Variants in SEPHS1 observed in about 807,000 individuals in gnomAD.
The protein encoded by SEPHS1 is zincore component SEPHS1.
A neutral mutation model predicts 39.2 loss-of-function variants in SEPHS1; 7 were observed. The ratio of observed to expected loss-of-function variants is 0.18; its 90% CI spans 0.10 to 0.34. The LOEUF is 0.34. Ranked by LOEUF, SEPHS1 falls within the 10% of genes least tolerant of loss-of-function variation. The pLI, the probability that SEPHS1 is intolerant of heterozygous loss-of-function variation, is 1.00. For synonymous variants in SEPHS1, 190 were observed against 195.5 expected (o/e 0.97, Z 0.23); for missense variants, 253 against 514.5 (o/e 0.49, Z 4.92).
chr10:13,338,205 T>A (rs951615150), intron 3 of SEPHS1, among the ~76,000 whole-genome samples: 4 of 152,050 alleles, frequency 2.6e-5, no homozygotes, highest in African/African-American at 9.7e-5. Flanking sequence ...AGTGGCTGGG[T>A]TGAGTGAATT....
At chr10:13,326,851 A>G (rs1833312212) in intron 7 of SEPHS1, among the ~76,000 whole-genome samples, 1 of 152,212 alleles carries the variant, frequency 6.6e-6, no homozygotes, top group South Asian at 2.1e-4. Flanking sequence ...CTTACAAGTA[A>G]CAACAAATTA....
rs1465112426 is a variant in SEPHS1 at position 13,338,765 on chromosome 10, C to T, written c.237G>A (p.Gly79=). ...AATCTGTGGTTTGAACCAAGGAAAG[C>T]CCACCGTGCCTCAAAGGAATGACAC... The part of the protein sequence containing the change: ...DTCVIPLRHG[G]LSLVQTTDYI... Residue 79 remains glycine (G), a synonymous_variant, in exon 3 of 9, where the codon GGG becomes GGA. Coordinates refer to ENST00000327347, the MANE Select transcript of SEPHS1 (RefSeq NM_012247.5). 4 of 1,613,988 alleles carry T rather than the reference C, an allele frequency of 2.5e-6. No individual in the cohort carries two copies. Among genetic ancestry groups the T allele is most frequent in the Non-Finnish European group, 3.4e-6 (4 of 1,179,998 alleles).
At position 13,336,490 on chromosome 10, in the gene SEPHS1, T is replaced by C; in HGVS notation, c.298-140A>G. The C allele has an allele frequency of 4.3e-6, 3 of 690,862 alleles. No homozygotes were observed. In the South Asian group the frequency reaches 4.7e-5, roughly 11 times the overall value. 42.8% of individuals were successfully genotyped at this position (690,862 alleles called of 1,614,324 possible). ...CTACTAGGATGGGGTCCTCAGTTTC[T>C]ATGATTTGCAGACTGGCAACCTTTC... On this transcript the variant is annotated intron_variant, in intron 3 of 8. Transcript: ENST00000327347.
At chr10:13,345,415 A>G (rs976644128) in intron 1 of SEPHS1, 2 of 154,358 alleles carry the variant, frequency 1.3e-5, no homozygotes, top group African/African-American at 4.8e-5. Flanking sequence ...GGTCCTCGCT[A>G]AGGTGACTTT....
chr10:13,335,440 T>A (rs1017201562), intron 4 of SEPHS1, among the ~76,000 whole-genome samples: 1 of 151,678 alleles, frequency 6.6e-6, no homozygotes, highest in African/African-American at 2.4e-5. Context: ...CCGAAGTGGG[T>A]GGATCACGAG....
rs773733026 is a variant in SEPHS1 at position 13,323,064 on chromosome 10, G to A, written c.752-17C>T. ...GTCCTGCAGCTGGGAGAGAGAGGGGGCGGCTCTGAGAAAAAACACCTTTCC... is the reference window on the plus strand; with the variant it reads ...GTCCTGCAGCTGGGAGAGAGAGGGGACGGCTCTGAGAAAAAACACCTTTCC... On this transcript the variant is annotated splice_polypyrimidine_tract_variant and intron_variant, in intron 7 of 8. Coordinates refer to ENST00000327347, the MANE Select transcript of SEPHS1 (RefSeq NM_012247.5). The A allele has an allele frequency of 2.5e-6, 4 of 1,610,612 alleles. No homozygotes were observed. Among genetic ancestry groups the A allele is most frequent in the Non-Finnish European group, 3.4e-6 (4 of 1,177,274 alleles).
At position 13,322,981 on chromosome 10, in the gene SEPHS1, C is replaced by T; in HGVS notation, c.818G>A (p.Gly273Asp). 1.2e-6 allele frequency: 2 copies of T among 1,614,076 alleles called. No homozygotes were observed. The highest frequency in any genetic ancestry group is 1.7e-6 in the Non-Finnish European group (2 of 1,180,000). ...CTGCTTGGCCAGGTTCTGCGCATGG[C>T]CCAAAATCCCGAAGCCCGTGATGTC... Reference protein sequence around the residue: ...ATDITGFGILGHAQNLAKQQR... With the variant: ...ATDITGFGILDHAQNLAKQQR... The change falls in exon 8 of 9, where the codon GGC becomes GAC. Residue 273 changes from glycine (G) to aspartate (D), a missense_variant. By Grantham distance (94) the Gly-to-Asp change is moderately conservative. Around this residue, in one of 4 missense-constraint regions of SEPHS1, gnomAD observed 107 missense variants for 257.1 expected, o/e 0.42. Transcript: ENST00000327347.
chr10:13,339,413 C>CAG (rs959710079), intron 2 of SEPHS1, among the ~76,000 whole-genome samples: 1 of 152,142 alleles, frequency 6.6e-6, no homozygotes, highest in Admixed American at 6.5e-5. Flanking sequence ...GCATCTATGT[C>CAG]AGAGGAGTCC....
intron 8 of SEPHS1, among the ~76,000 whole-genome samples, chr10:13,321,286 G>A (rs977926405): frequency 1.5e-4 from 23 of 151,148 alleles, no homozygotes; most frequent in African/African-American, 4.6e-4. Flanking sequence ...TCACTCTGTC[G>A]CCCAGGCTGT....
At chr10:13,343,899 G>A (rs1329688751) in intron 2 of SEPHS1, among the ~76,000 whole-genome samples, 1 of 152,298 alleles carries the variant, frequency 6.6e-6, no homozygotes, top group African/African-American at 2.4e-5. Context: ...CACAAGAAAA[G>A]TGATCACAGT....
intron 4 of SEPHS1, 142 bp from the exon 5 acceptor site, chr10:13,334,113 A>T: frequency 1.4e-6 from 1 of 731,214 alleles, no homozygotes; most frequent in East Asian, 2.7e-5. Flanking sequence ...GAAGGTTGTT[A>T]GGGGCCAGGC....
At chr10:13,320,782 C>T (rs1013112167) in intron 8 of SEPHS1, among the ~76,000 whole-genome samples, 6 of 152,100 alleles carry the variant, frequency 3.9e-5, no homozygotes, top group African/African-American at 9.6e-5. Flanking sequence ...GAGCTGAGAT[C>T]GCGCCATTGC....
At chr10:13,326,473 CA>C (rs34250326) in intron 7 of SEPHS1, among the ~76,000 whole-genome samples, 57,366 of 131,182 alleles carry the variant, frequency 0.44, 12,751 homozygotes, top group East Asian at 0.7. Flanking sequence ...AACTCCATCT[CA>C]AAAAAAAAAA....
chr10:13,324,620 GTTTT>G lies in SEPHS1; in HGVS notation c.752-1577_752-1574del, dbSNP rs749639323. 9.5e-4 allele frequency among the ~76,000 whole-genome samples: 144 copies of G among 151,916 alleles called. 2 individuals carry two copies. The highest frequency in any genetic ancestry group is 1.1e-3 in the Non-Finnish European group (77 of 67,922). ...CAGTTGGTATTATCAGTGTTTTTGG[GTTTT>G]TTTTGAGACAGGGTCTCGCTTTGTC... On this transcript the variant is annotated intron_variant, in intron 7 of 8. Transcript: ENST00000327347.
intron 3 of SEPHS1, 112 bp downstream of exon 3, chr10:13,338,593 G>A: frequency 7.5e-6 from 6 of 799,278 alleles, no homozygotes; most frequent in African/African-American, 1.7e-5. Context: ...GTATAGTCGG[G>A]ATATAACAGA....
In SEPHS1 at chr10:13,319,024, C is replaced by G. The variant is rs1039269804; in HGVS notation, c.*118G>C. The stretch of plus-strand genomic sequence containing the variant: ...TAATTGTATCCACTTACAAACCGAC[C>G]TAAGGTCACCCCGATGTGTAGACAC... On this transcript the variant is annotated 3_prime_UTR_variant, in exon 9 of 9. Coordinates refer to ENST00000327347, the MANE Select transcript of SEPHS1 (RefSeq NM_012247.5). 6.0e-5 allele frequency: 60 copies of G among 1,006,144 alleles called. No homozygotes were observed. Among genetic ancestry groups the G allele is most frequent in the Non-Finnish European group, 8.6e-5 (57 of 665,920 alleles). The allele number at this position is 1,006,144 out of a possible 1,614,324, so 62.3% of individuals were successfully genotyped here.
At chr10:13,332,734 T>A (rs533914216) in intron 5 of SEPHS1, among the ~76,000 whole-genome samples, 238 of 151,512 alleles carry the variant, frequency 1.6e-3, no homozygotes, top group African/African-American at 5.4e-3. Context: ...TCCCAGCTAC[T>A]CGGGAAGCTG....
intron 6 of SEPHS1, 29 bp from the exon 7 acceptor site, chr10:13,328,479 G>A (rs747832382): frequency 4.2e-6 from 6 of 1,442,756 alleles, no homozygotes; most frequent in Non-Finnish European, 5.8e-6. Flanking sequence ...GTGAGGGAGA[G>A]AAAGAGAGGA....
chr10:13,330,556 T>C (rs945945637), intron 5 of SEPHS1, among the ~76,000 whole-genome samples: 4 of 152,168 alleles, frequency 2.6e-5, no homozygotes, highest in Admixed American at 6.5e-5. Context: ...GAGTTGTGCC[T>C]TTCGCAGCTT....
Sources: allele counts gnomAD v4.1 joint callset (sites outside exome capture counted in the v4.1 genomes callset), GRCh38; gene constraint gnomAD v4.1.1; regional missense constraint gnomAD v4.1.1; transcripts MANE v1.5; gene names NCBI Gene and HGNC (gene_info 2026-07-23, HGNC 2026-07-21).